Variants in GPR39 observed in about 807,000 individuals in gnomAD.
GPR39 encodes G protein-coupled receptor 39.
GPR39 carries 23 observed loss-of-function variants against 18.4 expected under a neutral mutation model. The observed-to-expected ratio is 1.25, with a 90% CI of 0.90 to 1.77. The LOEUF (loss-of-function observed/expected upper bound fraction) is 1.77. Ranked by LOEUF, GPR39 falls within the 40% of genes most tolerant of loss-of-function variation. The pLI is 0.00. For synonymous variants in GPR39, 280 were observed against 257.9 expected (o/e 1.09, Z -0.82); for missense variants, 647 against 602.4 (o/e 1.07, Z -0.78).
intron 1 of GPR39, among the ~76,000 whole-genome samples, chr2:132,618,278 A>C (rs1681375344): frequency 6.6e-6 from 1 of 152,210 alleles, no homozygotes; most frequent in South Asian, 2.1e-4. Flanking sequence ...GAGCCTCATC[A>C]TTTCAGCCTG....
intron 1 of GPR39, among the ~76,000 whole-genome samples, chr2:132,439,092 G>A (rs1680386492): frequency 6.6e-6 from 1 of 152,134 alleles, no homozygotes; most frequent in Middle Eastern, 3.2e-3. Context: ...AATAGCTTGG[G>A]AGGCCAAATC....
chr2:132,496,604 C>T (rs1681646420), intron 1 of GPR39, among the ~76,000 whole-genome samples: 1 of 152,188 alleles, frequency 6.6e-6, no homozygotes, highest in Admixed American at 6.5e-5. Flanking sequence ...TCCCTTTTAC[C>T]AAACCTTTTT....
intron 1 of GPR39, among the ~76,000 whole-genome samples, chr2:132,497,290 T>C (rs537427970): frequency 2.5e-4 from 38 of 152,144 alleles, no homozygotes; most frequent in Non-Finnish European, 4.9e-4. Flanking sequence ...TTCTTGAGAT[T>C]GTTTTGGGTC....
chr2:132,543,546 A>G (rs1338746944), intron 1 of GPR39, among the ~76,000 whole-genome samples: 1 of 152,226 alleles, frequency 6.6e-6, no homozygotes, highest in African/African-American at 2.4e-5. Context: ...GATCACTGGA[A>G]CAGTGCCACT....
intron 1 of GPR39, among the ~76,000 whole-genome samples, chr2:132,565,006 A>T (rs1408104601): frequency 1.3e-5 from 2 of 151,366 alleles, no homozygotes; most frequent in Non-Finnish European, 2.9e-5. Flanking sequence ...TTTAGTAGAG[A>T]TCGGGTATCA....
intron 1 of GPR39, among the ~76,000 whole-genome samples, chr2:132,516,651 A>G (rs1285598966): frequency 6.6e-6 from 1 of 152,186 alleles, no homozygotes; most frequent in African/African-American, 2.4e-5. Context: ...ATTTGTACCT[A>G]CAGTTACCTC....
At chr2:132,500,829 T>G (rs999833433) in intron 1 of GPR39, among the ~76,000 whole-genome samples, 8 of 152,116 alleles carry the variant, frequency 5.3e-5, no homozygotes, top group Non-Finnish European at 1.0e-4. Context: ...TTCTAGAAAT[T>G]TATCCATCTC....
chr2:132,615,899 G>A (rs901513389), intron 1 of GPR39, among the ~76,000 whole-genome samples: 9 of 150,240 alleles, frequency 6.0e-5, no homozygotes, highest in Non-Finnish European at 8.8e-5. Flanking sequence ...TAAATGTCAC[G>A]CACTGCACAC....
At chr2:132,494,663 A>G (rs1681604393) in intron 1 of GPR39, among the ~76,000 whole-genome samples, 2 of 152,096 alleles carry the variant, frequency 1.3e-5, no homozygotes, top group Non-Finnish European at 2.9e-5. Flanking sequence ...TCAAATTTCC[A>G]TCCTATTTCT....
intron 1 of GPR39, among the ~76,000 whole-genome samples, chr2:132,436,231 A>G (rs1393520407): frequency 6.6e-6 from 1 of 152,246 alleles, no homozygotes; most frequent in Non-Finnish European, 1.5e-5. Context: ...TGCCTTCTTC[A>G]CGCACCTGTA....
chr2:132,451,847 C>T (rs1466782717), intron 1 of GPR39, among the ~76,000 whole-genome samples: 1 of 152,088 alleles, frequency 6.6e-6, no homozygotes, highest in East Asian at 1.9e-4. Flanking sequence ...AATCATAAAT[C>T]CCAACTTGCT....
At chr2:132,617,552 T>C (rs1404530338) in intron 1 of GPR39, among the ~76,000 whole-genome samples, 1 of 152,210 alleles carries the variant, frequency 6.6e-6, no homozygotes, top group Non-Finnish European at 1.5e-5. Context: ...TACATGTTCA[T>C]TCCCTTAGTC....
chr2:132,645,358 A>G lies in GPR39; in HGVS notation c.1114A>G (p.Lys372Glu). 2 of 1,614,036 alleles carry G rather than the reference A, an allele frequency of 1.2e-6. No homozygotes were observed. The highest frequency in any genetic ancestry group is 3.3e-4 in the Middle Eastern group (2 of 6,060). ...RLSLQHANHE[K>E]RLRVHAHSTT... ...GTCGCTGCAGCACGCCAACCACGAG[A>G]AGCGCCTGCGCGTACATGCGCACTC... Residue 372 changes from lysine (K) to glutamate (E), a missense_variant, in exon 2 of 2, where the codon AAG becomes GAG. By Grantham distance (56) the Lys-to-Glu change is moderately conservative (BLOSUM62 1). Coordinates refer to ENST00000329321, the MANE Select transcript of GPR39 (RefSeq NM_001508.3).
Position 132,417,283 on chromosome 2 carries a change from T to G in GPR39, c.241T>G (p.Leu81Val). Residue 81 changes from leucine to valine, a missense_variant, in exon 1 of 2, where the codon TTG becomes GTG. Around this residue, in one of 3 missense-constraint regions of GPR39, gnomAD observed 581 missense variants for 506.8 expected, o/e 1.15. Coordinates refer to ENST00000329321, the MANE Select transcript of GPR39 (RefSeq NM_001508.3). ...HMVSLACSDI[L>V]VFLIGMPMEF... ...GGTGAGTTTGGCTTGCTCGGACATC[T>G]TGGTGTTCCTCATCGGCATGCCCAT... 1 of 1,614,170 alleles carries G rather than the reference T, an allele frequency of 6.2e-7. No individual in the cohort carries two copies. The highest frequency in any genetic ancestry group is 8.5e-7 in the Non-Finnish European group (1 of 1,180,018).
At chr2:132,510,354 A>G (rs187009568) in intron 1 of GPR39, among the ~76,000 whole-genome samples, 48 of 152,290 alleles carry the variant, frequency 3.2e-4, no homozygotes, top group South Asian at 2.1e-4. Context: ...GGCTCGGGAA[A>G]GCTGTCTGGG....
At chr2:132,608,493 A>G (rs1454326561) in intron 1 of GPR39, among the ~76,000 whole-genome samples, 1 of 152,170 alleles carries the variant, frequency 6.6e-6, no homozygotes, top group Non-Finnish European at 1.5e-5. Context: ...ACTCGGCTCT[A>G]GAAAATCTTG....
intron 1 of GPR39, among the ~76,000 whole-genome samples, chr2:132,465,190 A>G (rs1454291604): frequency 6.6e-6 from 1 of 150,926 alleles, no homozygotes; most frequent in Non-Finnish European, 1.5e-5. Flanking sequence ...AACAAAAGCA[A>G]AAAAAAAAGA....
chr2:132,442,908 T>G (rs1680466424), intron 1 of GPR39, among the ~76,000 whole-genome samples: 1 of 152,232 alleles, frequency 6.6e-6, no homozygotes, highest in South Asian at 2.1e-4. Context: ...TTCTTTGCAT[T>G]GGCAACTGGA....
rs1389966030 is a variant in GPR39, at chr2:132,552,794, ATATGTGTG to A, written c.857-92305_857-92298del. Among the ~76,000 whole-genome samples the A allele has an allele frequency of 3.7e-4, 40 of 108,196 alleles. 1 individual carries two copies. In the East Asian group the frequency reaches 0.022, roughly 58 times the overall value. The allele number at this position is 108,196 out of a possible 152,430, so 71.0% of individuals were successfully genotyped here. A position where few individuals can be genotyped will look rare whatever the true frequency, so the allele number is the denominator to read the frequency against. ...ACCACAGTAGCCTACCAATGTGTATATATGTGTGTGTGTGTGTGTGTGTGTATGTATAT... is the reference window on the plus strand; with the variant it reads ...ACCACAGTAGCCTACCAATGTGTATATGTGTGTGTGTGTGTGTATGTATAT... On this transcript the variant is annotated intron_variant, in intron 1 of 1. Coordinates refer to ENST00000329321, the MANE Select transcript of GPR39 (RefSeq NM_001508.3).
Sources: allele counts gnomAD v4.1 joint callset (sites outside exome capture counted in the v4.1 genomes callset), GRCh38; gene constraint gnomAD v4.1.1; regional missense constraint gnomAD v4.1.1; transcripts MANE v1.5; gene names NCBI Gene and HGNC (gene_info 2026-07-23, HGNC 2026-07-21).